The following EXOC5 variants were observed in gnomAD, a reference collection of about 807,000 sequenced individuals.
The protein encoded by EXOC5 is exocyst complex component 5.
Under a neutral mutation model 90.8 loss-of-function variants are expected in EXOC5, and 17 were observed. The ratio of observed to expected loss-of-function variants is 0.19; its 90% CI spans 0.13 to 0.28. EXOC5 has a LOEUF of 0.28. Ranked by LOEUF, EXOC5 falls within the 10% of genes least tolerant of loss-of-function variation. The probability of loss-of-function intolerance (pLI) is 1.00; values close to 1 mark genes in which losing one functional copy is unlikely to be tolerated. For missense variants in EXOC5, 569 were observed against 830.6 expected, an observed-to-expected ratio of 0.69 and a Z score of 3.87; for synonymous variants, 260 against 270.0, an observed-to-expected ratio of 0.96 and a Z score of 0.36.
chr14:57,209,156 A>G (rs1882750558), intron 17 of EXOC5, among the ~76,000 whole-genome samples: 1 of 152,284 alleles, frequency 6.6e-6, no homozygotes, highest in South Asian at 2.1e-4. Flanking sequence ...TGTGACATAT[A>G]TAACATTAGT....
chr14:57,222,165 C>T (rs1302674618), intron 13 of EXOC5, 143 bp downstream of exon 13: 2 of 503,782 alleles, frequency 4.0e-6, no homozygotes, highest in African/African-American at 2.0e-5. Context: ...CTGGCAAATC[C>T]TTGCATTATA....
chr14:57,201,507 CACAT>C lies in EXOC5; in HGVS notation c.*7098_*7101del, dbSNP rs1882504621. 1.4e-5 allele frequency: 2 copies of C among 145,996 alleles called. No homozygotes were observed. The highest frequency in any genetic ancestry group is 2.6e-5 in the African/African-American group (1 of 39,206). 9.0% of individuals were successfully genotyped at this position (145,996 alleles called of 1,614,324 possible). On this transcript the variant is annotated 3_prime_UTR_variant, in exon 18 of 18. Coordinates refer to ENST00000621441, the MANE Select transcript of EXOC5 (RefSeq NM_006544.4). The stretch of plus-strand genomic sequence containing the variant: ...GTATAAACACACGTGTATATACACA[CACAT>C]ATGTATATATATACACACACACCAC...
Position 57,206,010 on chromosome 14 carries a change from A to C in EXOC5, c.*2599T>G, listed in dbSNP as rs568666186. On this transcript the variant is annotated 3_prime_UTR_variant, in exon 18 of 18. Coordinates refer to ENST00000621441, the MANE Select transcript of EXOC5 (RefSeq NM_006544.4). ...TGTCATTTTCAACATCATAATTTAC[A>C]TAAGGTAGGCTTCCTTTATTAAATT... 2.2e-6 allele frequency: 1 copy of C among 455,068 alleles called. No individual in the cohort carries two copies. The highest frequency in any genetic ancestry group is 1.6e-5 in the South Asian group (1 of 64,238). 28.2% of individuals were successfully genotyped at this position (455,068 alleles called of 1,614,324 possible).
At chr14:57,238,361 T>TACAC (rs1190958646) in intron 5 of EXOC5, among the ~76,000 whole-genome samples, 12 of 71,524 alleles carry the variant, frequency 1.7e-4, no homozygotes, top group African/African-American at 5.5e-4. Context: ...TATATATATA[T>TACAC]ATATATATAT....
chr14:57,215,798 T>C (rs1297984433), intron 15 of EXOC5, among the ~76,000 whole-genome samples: 2 of 152,168 alleles, frequency 1.3e-5, no homozygotes, highest in African/African-American at 4.8e-5. Flanking sequence ...TCACTACTTC[T>C]ATTCAACACA....
At chr14:57,226,725 T>G (rs1883319315) in intron 12 of EXOC5, among the ~76,000 whole-genome samples, 1 of 152,124 alleles carries the variant, frequency 6.6e-6, no homozygotes, top group Admixed American at 6.5e-5. Context: ...TCTACAGTAA[T>G]TCAGTGCGGA....
chr14:57,267,117 C>T (rs187755015), intron 1 of EXOC5, among the ~76,000 whole-genome samples: 1 of 152,288 alleles, frequency 6.6e-6, no homozygotes, highest in East Asian at 1.9e-4. Flanking sequence ...CAAGGAACCA[C>T]AGCACTACTT....
chr14:57,226,508 G>C (rs1883312812), intron 12 of EXOC5, among the ~76,000 whole-genome samples: 1 of 152,060 alleles, frequency 6.6e-6, no homozygotes, highest in Non-Finnish European at 1.5e-5. Context: ...GACTTTTTCA[G>C]AAACAGACAA....
intron 12 of EXOC5, 75 bp from the exon 13 acceptor site, chr14:57,222,491 A>G (rs1883175079): frequency 1.4e-6 from 1 of 737,130 alleles, no homozygotes; most frequent in Admixed American, 2.5e-5. Flanking sequence ...TAAGCAATCA[A>G]TTTTTTATAG....
Position 57,208,548 on chromosome 14 carries a change from CTGAAGTAT to C in EXOC5, c.*53_*60del. 4.7e-6 allele frequency: 6 copies of C among 1,275,118 alleles called. No individual in the cohort carries two copies. The highest frequency in any genetic ancestry group is 6.7e-6 in the Non-Finnish European group (6 of 895,608). 79.0% of individuals were successfully genotyped at this position (1,275,118 alleles called of 1,614,324 possible). A position where few individuals can be genotyped will look rare whatever the true frequency, so the allele number is the denominator to read the frequency against. On this transcript the variant is annotated 3_prime_UTR_variant, in exon 18 of 18. Transcript: ENST00000621441. ...TGTGCTTTCTATCAACCGAGGGCTG[CTGAAGTAT>C]AAGACATTCCTCTGTAAAGGAACTG... is the stretch of plus-strand genomic sequence containing the variant.
At chr14:57,219,680 T>C (rs2139618763) in intron 13 of EXOC5, among the ~76,000 whole-genome samples, 1 of 152,164 alleles carries the variant, frequency 6.6e-6, no homozygotes, top group East Asian at 1.9e-4. Context: ...CCTTCATGAT[T>C]CACGTGAGCC....
chr14:57,249,998 C>T (rs1215543786), intron 1 of EXOC5, among the ~76,000 whole-genome samples: 3 of 152,020 alleles, frequency 2.0e-5, no homozygotes, highest in Non-Finnish European at 4.4e-5. Context: ...TCTCAAACTC[C>T]CAACCTCAGA....
At chr14:57,236,725 G>C (rs1004475300) in intron 6 of EXOC5, among the ~76,000 whole-genome samples, 14 of 152,154 alleles carry the variant, frequency 9.2e-5, no homozygotes, top group Middle Eastern at 6.8e-3. Context: ...GAATATAGAT[G>C]AATCTTTGAA....
At chr14:57,244,473 T>C (rs567025196) in intron 3 of EXOC5, 114 bp from the exon 4 acceptor site, 33 of 779,218 alleles carry the variant, frequency 4.2e-5, no homozygotes, top group Non-Finnish European at 6.6e-5. Flanking sequence ...CGAGATGATC[T>C]ACAAAATTCA....
intron 12 of EXOC5, among the ~76,000 whole-genome samples, chr14:57,223,170 A>G (rs904637611): frequency 6.6e-6 from 1 of 152,138 alleles, no homozygotes; most frequent in Admixed American, 6.5e-5. Context: ...GTATTTGCAC[A>G]TAGTGAGCTT....
rs184805204 is a variant in EXOC5, at chr14:57,240,907, C to T, written c.466-1248G>A. On this transcript the variant is annotated intron_variant, in intron 4 of 17. Transcript: ENST00000621441. ...TTGCTCGGTCACTCAGACTGGAGTG[C>T]GGTGGCATGATCTTGGCTCACTACA... Among the ~76,000 whole-genome samples, 16 of 152,066 alleles carry T rather than the reference C, an allele frequency of 1.1e-4. No homozygotes were observed. In the East Asian group the frequency reaches 2.9e-3, roughly 28 times the overall value.
At chr14:57,224,401 C>T (rs114290832) in intron 12 of EXOC5, among the ~76,000 whole-genome samples, 1,633 of 152,136 alleles carry the variant, frequency 0.011, 29 homozygotes, top group African/African-American at 0.037. Context: ...CATCACTGTA[C>T]GCATTCTACA....
intron 13 of EXOC5, among the ~76,000 whole-genome samples, chr14:57,219,891 T>G (rs1262979471): frequency 6.6e-6 from 1 of 152,142 alleles, no homozygotes; most frequent in Non-Finnish European, 1.5e-5. Context: ...AAATGTCCTA[T>G]CTACAGATTA....
intron 13 of EXOC5, among the ~76,000 whole-genome samples, chr14:57,220,627 C>G (rs1451421845): frequency 6.6e-6 from 1 of 151,624 alleles, no homozygotes; most frequent in East Asian, 2.0e-4. Context: ...AAGTAAGACC[C>G]CAACTCTACA....
Sources: gnomAD v4.1 joint callset for allele counts (sites outside exome capture counted in the v4.1 genomes callset) on GRCh38, gnomAD v4.1.1 for gene constraint, MANE v1.5 for transcripts, NCBI Gene and HGNC (gene_info 2026-07-23, HGNC 2026-07-21) for gene names.